The following ZNF654 variants were observed in gnomAD, a reference collection of about 807,000 sequenced individuals.
The protein encoded by ZNF654 is melanoma-associated antigen.
A neutral mutation model predicts 95.3 loss-of-function variants in ZNF654; 19 were observed. The ratio of observed to expected loss-of-function variants is 0.20; its 90% confidence interval spans 0.14 to 0.29. The LOEUF is 0.29. Among genes scored for constraint, ZNF654 ranks in the 10% least tolerant of loss-of-function variants. ZNF654 has a pLI of 1.00. For missense variants in ZNF654, 1,046 were observed against 1,341.0 expected (o/e 0.78, Z 3.44); for synonymous variants, 413 against 457.9 (o/e 0.90, Z 1.25).
chr3:88,138,666 GA>G (rs936754036), intron 7 of ZNF654, 38 bp from the exon 8 acceptor site: 10 of 1,190,916 alleles, frequency 8.4e-6, no homozygotes, highest in South Asian at 8.5e-5. Context: ...CATTTTTTTG[GA>G]AAAAAAGTAT....
At chr3:88,107,217 T>C (rs149613404) in intron 2 of ZNF654, among the ~76,000 whole-genome samples, 5 of 152,324 alleles carry the variant, frequency 3.3e-5, no homozygotes, top group Middle Eastern at 3.4e-3. Flanking sequence ...TAAAATGGCA[T>C]TGGAACACTA....
intron 1 of ZNF654, among the ~76,000 whole-genome samples, chr3:88,078,112 C>T (rs948240464): frequency 2.0e-5 from 3 of 152,092 alleles, no homozygotes; most frequent in African/African-American, 4.8e-5. Context: ...TTGTGAATAT[C>T]GGACTGATTT....
chr3:88,120,921 GT>G (rs1156470133), intron 3 of ZNF654, among the ~76,000 whole-genome samples: 2 of 152,056 alleles, frequency 1.3e-5, no homozygotes, highest in Non-Finnish European at 2.9e-5. Flanking sequence ...TTGGTCATAA[GT>G]TGAAAGGATA....
chr3:88,106,900 T>TA (rs1042092671), intron 2 of ZNF654, among the ~76,000 whole-genome samples: 25 of 152,226 alleles, frequency 1.6e-4, no homozygotes, highest in Non-Finnish European at 2.5e-4. Context: ...ATGCTGTTTT[T>TA]ATCGTATACT....
intron 2 of ZNF654, among the ~76,000 whole-genome samples, chr3:88,090,816 G>A (rs1708592515): frequency 1.3e-5 from 2 of 152,128 alleles, no homozygotes; most frequent in South Asian, 4.2e-4. Context: ...GGATTGTCTT[G>A]GCCCATACAT....
At chr3:88,062,364 C>T (rs773746947) in intron 1 of ZNF654, among the ~76,000 whole-genome samples, 5 of 152,062 alleles carry the variant, frequency 3.3e-5, no homozygotes, top group Admixed American at 6.6e-5. Context: ...TAAGTAAATC[C>T]TCAATTATAG....
At chr3:88,135,653 T>G (rs896815988) in intron 7 of ZNF654, among the ~76,000 whole-genome samples, 1 of 152,094 alleles carries the variant, frequency 6.6e-6, no homozygotes, top group Non-Finnish European at 1.5e-5. Context: ...TTAAATTGTT[T>G]ATTTGAAGTA....
chr3:88,128,042 G>A (rs557134126), intron 4 of ZNF654, among the ~76,000 whole-genome samples: 6 of 152,088 alleles, frequency 3.9e-5, no homozygotes, highest in Non-Finnish European at 8.8e-5. Context: ...ATAAAAATAC[G>A]GGTTCCAGTT....
chr3:88,091,647 G>C (rs935125382), intron 2 of ZNF654, among the ~76,000 whole-genome samples: 2 of 152,114 alleles, frequency 1.3e-5, no homozygotes, highest in Non-Finnish European at 2.9e-5. Context: ...TAATCTCCAC[G>C]TGTCATGGAA....
chr3:88,083,390 T>C (rs1484010269), intron 1 of ZNF654, among the ~76,000 whole-genome samples: 2 of 152,248 alleles, frequency 1.3e-5, no homozygotes, highest in African/African-American at 4.8e-5. Context: ...TGACATTTTA[T>C]AGTATATACT....
chr3:88,104,177 T>C (rs913381140), intron 2 of ZNF654, among the ~76,000 whole-genome samples: 6 of 152,160 alleles, frequency 3.9e-5, no homozygotes, highest in African/African-American at 1.4e-4. Flanking sequence ...GGGAGTTCCA[T>C]AAGCAGCACC....
At chr3:88,098,470 A>C (rs1704198657) in intron 2 of ZNF654, among the ~76,000 whole-genome samples, 1 of 152,210 alleles carries the variant, frequency 6.6e-6, no homozygotes, top group Non-Finnish European at 1.5e-5. Context: ...AATCCTCCCT[A>C]ACTCTTTTTA....
In ZNF654 at chr3:88,126,239, C is replaced by G; in HGVS notation, c.520C>G (p.Leu174Val). The G allele has an allele frequency of 6.6e-7, 1 of 1,525,118 alleles. No individual in the cohort carries two copies. Among genetic ancestry groups the G allele is most frequent in the Non-Finnish European group, 8.8e-7 (1 of 1,140,380 alleles). 94.5% of individuals were successfully genotyped at this position (1,525,118 alleles called of 1,614,324 possible). The change falls in exon 4 of 9, where the codon CTT becomes GTT. Residue 174 changes from leucine to valine, a missense_variant. Leu to Val is a conservative substitution (Grantham distance 32, BLOSUM62 1). This residue lies in a region of ZNF654 where 91 missense variants were observed against 190.5 expected (regional missense o/e 0.48). Transcript: ENST00000636215. ...GGAAGATCCAGTGTTGCAAGCTGTC[C>G]TTAAAGCTCAGCCAGCATCTCAGGA... ...PWEDPVLQAV[L>V]KAQPASQEIV...
chr3:88,129,601 T>C (rs901680115), intron 5 of ZNF654, 86 bp from the exon 6 acceptor site: 26 of 1,082,192 alleles, frequency 2.4e-5, no homozygotes, highest in Middle Eastern at 3.3e-4. Flanking sequence ...ATCTAAGCAA[T>C]TTCTCTTGAA....
intron 1 of ZNF654, among the ~76,000 whole-genome samples, chr3:88,064,309 A>G (rs1435067930): frequency 1.3e-5 from 2 of 152,156 alleles, no homozygotes; most frequent in Non-Finnish European, 1.5e-5. Flanking sequence ...GATAGGGACT[A>G]TCTTACTGTC....
chr3:88,124,951 C>T (rs1461356305), intron 3 of ZNF654, among the ~76,000 whole-genome samples: 3 of 152,096 alleles, frequency 2.0e-5, no homozygotes, highest in Non-Finnish European at 2.9e-5. Context: ...CACGGTGGCT[C>T]ACGCCTGTAA....
At chr3:88,135,007 T>G in intron 6 of ZNF654, 54 bp from the exon 7 acceptor site, 1 of 1,215,886 alleles carries the variant, frequency 8.2e-7, no homozygotes, top group Non-Finnish European at 1.1e-6. Context: ...ATAGCTAATG[T>G]CTGTATTTGA....
intron 1 of ZNF654, among the ~76,000 whole-genome samples, chr3:88,071,273 G>C (rs1472018744): frequency 6.6e-6 from 1 of 152,146 alleles, no homozygotes; most frequent in Non-Finnish European, 1.5e-5. Context: ...ACTTTGGGAG[G>C]CCAAGGTGGG....
intron 1 of ZNF654, among the ~76,000 whole-genome samples, chr3:88,082,982 AAG>A (rs1365885246): frequency 6.6e-6 from 1 of 151,906 alleles, no homozygotes; most frequent in Non-Finnish European, 1.5e-5. Context: ...TGCATAGAGA[AAG>A]AGAGAGGTCT....
Sources: allele counts gnomAD v4.1 joint callset (sites outside exome capture counted in the v4.1 genomes callset), GRCh38; gene constraint gnomAD v4.1.1; regional missense constraint gnomAD v4.1.1; transcripts MANE v1.5; gene names NCBI Gene and HGNC (gene_info 2026-07-23, HGNC 2026-07-21).